Variants in RBFOX3 observed in about 807,000 individuals in gnomAD.
RBFOX3 encodes the protein RNA binding protein fox-1 homolog 3.
Under a neutral mutation model 48.7 loss-of-function variants are expected in RBFOX3, and 17 were observed. The ratio of observed to expected loss-of-function variants is 0.35; its 90% CI spans 0.24 to 0.52. The LOEUF (loss-of-function observed/expected upper bound fraction) is 0.52, where lower values mean the gene tolerates loss of function less well. Among genes scored for constraint, RBFOX3 ranks in the 20% least tolerant of loss-of-function variants. The probability of loss-of-function intolerance (pLI) is 0.94; values close to 1 mark genes in which losing one functional copy is unlikely to be tolerated. For missense variants in RBFOX3, 382 were observed against 497.5 expected, an observed-to-expected ratio of 0.77 and a Z score of 2.21; for synonymous variants, 212 against 209.5, an observed-to-expected ratio of 1.01 and a Z score of -0.10.
At chr17:79,324,158 C>A (rs979529283) in intron 2 of RBFOX3, among the ~76,000 whole-genome samples, 2 of 152,154 alleles carry the variant, frequency 1.3e-5, no homozygotes, top group Non-Finnish European at 2.9e-5. Flanking sequence ...GGCCTCCCTG[C>A]AATAGGAAAG....
intron 3 of RBFOX3, among the ~76,000 whole-genome samples, chr17:79,269,845 A>G (rs1315834582): frequency 6.6e-6 from 1 of 150,686 alleles, no homozygotes; most frequent in African/African-American, 2.5e-5. Flanking sequence ...GGTGAGCCCC[A>G]CCACTGCCCT....
chr17:79,531,366 C>A (rs1402400512), intron 1 of RBFOX3, among the ~76,000 whole-genome samples: 1 of 152,168 alleles, frequency 6.6e-6, no homozygotes, highest in Non-Finnish European at 1.5e-5. Context: ...GCGGCCCAGG[C>A]GAGCAGGTGG....
the RBFOX3 span, among the ~76,000 whole-genome samples, chr17:79,638,451 C>T: frequency 6.6e-6 from 1 of 151,782 alleles, no homozygotes; most frequent in East Asian, 1.9e-4. Flanking sequence ...AAGGGACTAT[C>T]ATGTATAATT....
the RBFOX3 span, among the ~76,000 whole-genome samples, chr17:79,659,566 G>T: frequency 1.3e-5 from 2 of 152,010 alleles, no homozygotes; most frequent in Non-Finnish European, 2.9e-5. Context: ...GGCAGGTGGT[G>T]ACCCTGACAT....
intron 1 of RBFOX3, among the ~76,000 whole-genome samples, chr17:79,513,203 T>C: frequency 6.6e-6 from 1 of 151,672 alleles, no homozygotes; most frequent in East Asian, 2.0e-4. Flanking sequence ...TACAGCCCCA[T>C]GGCCAGGGGA....
At chr17:79,338,450 T>A (rs1393068762) in intron 2 of RBFOX3, among the ~76,000 whole-genome samples, 3 of 152,206 alleles carry the variant, frequency 2.0e-5, no homozygotes, top group Non-Finnish European at 4.4e-5. Flanking sequence ...CCATGGAATT[T>A]CAGGGTGATG....
chr17:79,192,350 G>C (rs2061808619), intron 4 of RBFOX3, among the ~76,000 whole-genome samples: 1 of 152,118 alleles, frequency 6.6e-6, no homozygotes, highest in Non-Finnish European at 1.5e-5. Flanking sequence ...TACTTCCCTA[G>C]GATGCTGTGA....
At chr17:79,309,314 TCCTC>T (rs2076522461) in intron 2 of RBFOX3, among the ~76,000 whole-genome samples, 1 of 151,874 alleles carries the variant, frequency 6.6e-6, no homozygotes, top group South Asian at 2.1e-4. Flanking sequence ...TTTGGACTCT[TCCTC>T]CCTCCACCTC....
rs2084541342 is a variant in RBFOX3, at chr17:79,354,302, T to C, written c.-174-46478A>G. On this transcript the variant is annotated intron_variant, in intron 2 of 14. Transcript: ENST00000693108. ...CGGTGTCACCGCCCTAAAGAGCCTC[T>C]GTAGGCACTGGGGCCACATCAGTTC... Among the ~76,000 whole-genome samples the C allele has an allele frequency of 2.0e-5, 3 of 152,242 alleles. No individual in the cohort carries two copies. In the South Asian group the frequency reaches 6.2e-4, roughly 32 times the overall value.
At chr17:79,261,067 C>T (rs753477947) in intron 3 of RBFOX3, among the ~76,000 whole-genome samples, 18 of 152,200 alleles carry the variant, frequency 1.2e-4, no homozygotes, top group Non-Finnish European at 2.4e-4. Context: ...TTGCCCAGAT[C>T]CTTTTTCTCA....
At chr17:79,468,220 A>C (rs371696909) in intron 2 of RBFOX3, among the ~76,000 whole-genome samples, 7,424 of 152,306 alleles carry the variant, frequency 0.049, 572 homozygotes, top group African/African-American at 0.16. Context: ...ATAGAAATTA[A>C]TGAGTTCCAC....
intron 2 of RBFOX3, among the ~76,000 whole-genome samples, chr17:79,434,969 A>C (rs1396761916): frequency 6.6e-6 from 1 of 152,192 alleles, no homozygotes; most frequent in Non-Finnish European, 1.5e-5. Context: ...TAAGTAAAAA[A>C]CGTGTGTGAA....
At chr17:79,290,178 G>C (rs2072959367) in intron 3 of RBFOX3, among the ~76,000 whole-genome samples, 1 of 152,054 alleles carries the variant, frequency 6.6e-6, no homozygotes, top group Non-Finnish European at 1.5e-5. Context: ...TGTCTGGAAG[G>C]GGAACCTTCT....
rs115417072 is a variant in RBFOX3 at position 79,109,379 on chromosome 17, G to A, written c.223-2591C>T. ...GCTGGCATCACGTCCCCAGTGACGG[G>A]CAATGCAGGGCAGCTGACTCTGGCT... On this transcript the variant is annotated intron_variant, in intron 5 of 14. Coordinates refer to ENST00000693108, the MANE Select transcript of RBFOX3 (RefSeq NM_001350451.2). 5.6e-3 allele frequency among the ~76,000 whole-genome samples: 847 copies of A among 152,230 alleles called. 8 individuals carry two copies. Among genetic ancestry groups the A allele is most frequent in the African/African-American group, 0.019 (808 of 41,474 alleles).
At chr17:79,216,071 G>A (rs552323203) in intron 4 of RBFOX3, among the ~76,000 whole-genome samples, 153 of 152,360 alleles carry the variant, frequency 1.0e-3, no homozygotes, top group Admixed American at 2.1e-3. Flanking sequence ...TCAGCCCAGC[G>A]GGGGTCAAGA....
chr17:79,615,890 C>T (rs1056968258), upstream of RBFOX3, among the ~76,000 whole-genome samples: 5 of 152,170 alleles, frequency 3.3e-5, no homozygotes, highest in Non-Finnish European at 5.9e-5. Context: ...GGGGCAGCTG[C>T]GGTTCCAGAG....
intron 2 of RBFOX3, among the ~76,000 whole-genome samples, chr17:79,359,451 C>A (rs1321992727): frequency 6.6e-6 from 1 of 152,234 alleles, no homozygotes; most frequent in Non-Finnish European, 1.5e-5. Flanking sequence ...CATCCTCCCC[C>A]ACAAATTCCA....
At chr17:79,432,636 T>C (rs1443320884) in intron 2 of RBFOX3, among the ~76,000 whole-genome samples, 2 of 152,126 alleles carry the variant, frequency 1.3e-5, no homozygotes, top group African/African-American at 4.8e-5. Context: ...TGCACACTGG[T>C]ATCAAAGGCC....
rs1026055244 is a variant in RBFOX3, at chr17:79,204,517, C to T, written c.-34+31249G>A. On this transcript the variant is annotated intron_variant, in intron 4 of 14. Transcript: ENST00000693108. This position sits in a 1 kb window ranked among gnomAD's most constrained non-coding sequence, Gnocchi z 4.5. ...GACAGCATTCAGTCAACGAGGTCGACGCGCTGGAACTACTTTGGTGGAGTA... is the reference window on the plus strand; with the variant it reads ...GACAGCATTCAGTCAACGAGGTCGATGCGCTGGAACTACTTTGGTGGAGTA... 3.3e-5 allele frequency among the ~76,000 whole-genome samples: 5 copies of T among 152,118 alleles called. No individual in the cohort carries two copies. The highest frequency in any genetic ancestry group is 1.9e-4 in the East Asian group (1 of 5,200).
Sources: allele counts gnomAD v4.1 joint callset (sites outside exome capture counted in the v4.1 genomes callset), GRCh38; gene constraint gnomAD v4.1.1; non-coding constraint Gnocchi (gnomAD v3.1); transcripts MANE v1.5; gene names NCBI Gene and HGNC (gene_info 2026-07-23, HGNC 2026-07-21).